The following DEDD2 variants were observed in gnomAD, a reference collection of about 807,000 sequenced individuals.
DEDD2 encodes the protein DNA-binding death effector domain-containing protein 2.
A neutral mutation model predicts 28.9 loss-of-function variants in DEDD2; 18 were observed. That is an observed-to-expected ratio of 0.62 (90% CI 0.43 to 0.92). DEDD2 has a LOEUF of 0.92. Ranked by LOEUF, DEDD2 falls within the 40% of genes least tolerant of loss-of-function variation. DEDD2 has a pLI of 0.00. For missense variants in DEDD2, 411 were observed against 463.3 expected (o/e 0.89, Z 1.04); for synonymous variants, 211 against 206.1 (o/e 1.02, Z -0.20).
chr19:42,205,581 C>T (rs571718458), intron 4 of DEDD2, among the ~76,000 whole-genome samples: 1 of 151,862 alleles, frequency 6.6e-6, no homozygotes, highest in Non-Finnish European at 1.5e-5. Flanking sequence ...AGGCTGAGAT[C>T]ACGTCATTGC....
chr19:42,214,804 G>A (rs1008559245), intron 3 of DEDD2, among the ~76,000 whole-genome samples: 8 of 152,054 alleles, frequency 5.3e-5, no homozygotes, highest in Non-Finnish European at 8.8e-5. Context: ...GGGGTGGTGA[G>A]AATAAATAAG....
At chr19:42,204,961 G>C (rs2035473300) in intron 4 of DEDD2, among the ~76,000 whole-genome samples, 2 of 152,202 alleles carry the variant, frequency 1.3e-5, no homozygotes, top group Non-Finnish European at 2.9e-5. Flanking sequence ...CTCCAGAGAG[G>C]GATAAGCAGC....
At chr19:42,212,649 G>C (rs1023338419) in intron 3 of DEDD2, among the ~76,000 whole-genome samples, 1 of 151,994 alleles carries the variant, frequency 6.6e-6, no homozygotes, top group African/African-American at 2.4e-5. Context: ...ATTTTTTATA[G>C]AGACAGGGTT....
At chr19:42,206,746 T>C (rs994465160) in intron 4 of DEDD2, among the ~76,000 whole-genome samples, 1 of 152,138 alleles carries the variant, frequency 6.6e-6, no homozygotes, top group Non-Finnish European at 1.5e-5. Flanking sequence ...TATCCCTCAA[T>C]GGAGGGCAGC....
At chr19:42,206,056 C>G (rs2035520379) in intron 4 of DEDD2, among the ~76,000 whole-genome samples, 1 of 150,754 alleles carries the variant, frequency 6.6e-6, no homozygotes, top group Non-Finnish European at 1.5e-5. Context: ...TGTGCTCCAG[C>G]CTGGGCGACG....
At chr19:42,211,948 A>C (rs1273741782) in intron 3 of DEDD2, 1 of 150,678 alleles carries the variant, frequency 6.6e-6, no homozygotes, top group Admixed American at 6.6e-5. Flanking sequence ...GAGGCAGGAG[A>C]ATCGCTTGAA....
chr19:42,204,816 C>G (rs946307757), intron 4 of DEDD2, among the ~76,000 whole-genome samples: 1 of 151,284 alleles, frequency 6.6e-6, no homozygotes, highest in Non-Finnish European at 1.5e-5. Context: ...TGGGAACCCT[C>G]CCAGCATCTT....
chr19:42,209,652 C>T (rs2035670480), intron 4 of DEDD2, 48 bp downstream of exon 4: 6 of 1,553,886 alleles, frequency 3.9e-6, no homozygotes, highest in Non-Finnish European at 5.2e-6. Flanking sequence ...ACCCTCTGAA[C>T]CCACCCGGGG....
chr19:42,206,468 T>C (rs2035539062), intron 4 of DEDD2, among the ~76,000 whole-genome samples: 1 of 152,144 alleles, frequency 6.6e-6, no homozygotes, highest in Non-Finnish European at 1.5e-5. Context: ...ACCCTATAAA[T>C]ACATATGGAA....
chr19:42,201,468 CCT>C (rs946792285), intron 4 of DEDD2, among the ~76,000 whole-genome samples: 1 of 152,232 alleles, frequency 6.6e-6, no homozygotes, highest in African/African-American at 2.4e-5. Context: ...GCCACCAACC[CCT>C]CTGATAGGCC....
At chr19:42,201,808 C>T (rs2035341187) in intron 4 of DEDD2, 1 of 391,824 alleles carries the variant, frequency 2.6e-6, no homozygotes, top group African/African-American at 2.1e-5. Context: ...GCATTCAGAC[C>T]CAGCTGTCTC....
At chr19:42,217,307 G>A (rs1173693904) in intron 1 of DEDD2, among the ~76,000 whole-genome samples, 1 of 152,090 alleles carries the variant, frequency 6.6e-6, no homozygotes, top group Non-Finnish European at 1.5e-5. Flanking sequence ...ACCAAACGAT[G>A]CGGCCCAAAC....
At chr19:42,205,406 G>A (rs1203104096) in intron 4 of DEDD2, among the ~76,000 whole-genome samples, 3 of 151,650 alleles carry the variant, frequency 2.0e-5, no homozygotes, top group African/African-American at 7.3e-5. Context: ...CAGGCGGGTG[G>A]ATCACCTGAG....
In DEDD2 at chr19:42,209,736, G is replaced by A; in HGVS notation, c.553C>T (p.Pro185Ser). 2 of 1,607,260 alleles carry A rather than the reference G, an allele frequency of 1.2e-6. No individual in the cohort carries two copies. Among genetic ancestry groups the A allele is most frequent in the African/African-American group, 1.3e-5 (1 of 74,390 alleles). The change falls in exon 4 of 5, where the codon CCC becomes TCC. Residue 185 changes from proline (P) to serine (S), a missense_variant. Physicochemically the swap from Pro to Ser is moderately conservative, Grantham distance 74. This residue lies in a region of DEDD2 where 282 missense variants were observed against 273.4 expected (regional missense o/e 1.03). Transcript: ENST00000596251. ...TTGCCTTCAGAGGAAGGTCTGGCGG[G>A]CTCTGACTGCTGCTGGGGTGCGGCT... ...APAAPQQQSE[P>S]ARPSSEGKVT...
chr19:42,207,957 G>A (rs979630955), intron 4 of DEDD2, among the ~76,000 whole-genome samples: 6 of 152,072 alleles, frequency 3.9e-5, no homozygotes, highest in Non-Finnish European at 8.8e-5. Context: ...GCTTCCTTGA[G>A]CTTGTTCTAG....
intron 3 of DEDD2, among the ~76,000 whole-genome samples, chr19:42,213,309 C>T (rs767523817): frequency 6.6e-6 from 1 of 152,168 alleles, no homozygotes; most frequent in Non-Finnish European, 1.5e-5. Flanking sequence ...CACCATTTTG[C>T]AAACACCAAT....
intron 4 of DEDD2, among the ~76,000 whole-genome samples, chr19:42,207,132 C>A (rs2035566301): frequency 6.6e-6 from 1 of 152,148 alleles, no homozygotes; most frequent in South Asian, 2.1e-4. Flanking sequence ...GGGGGAGTCA[C>A]CACCAGGCAA....
rs2035199318 is a variant in DEDD2 at position 42,198,638 on chromosome 19, A to G, written c.*800T>C. The G allele has an allele frequency of 6.6e-6, 1 of 152,282 alleles. No individual in the cohort carries two copies. The highest frequency in any genetic ancestry group is 2.4e-5 in the African/African-American group (1 of 41,470). 9.4% of individuals were successfully genotyped at this position (152,282 alleles called of 1,614,324 possible). On this transcript the variant is annotated 3_prime_UTR_variant, in exon 5 of 5. Transcript: ENST00000596251. ...TTTCCAGGGCAGTTTAATTGGTATC[A>G]TTTGTAAAAGGTCTTTTCCATCACC...
At chr19:42,215,707 G>A (rs2035939940) in intron 2 of DEDD2, among the ~76,000 whole-genome samples, 1 of 152,118 alleles carries the variant, frequency 6.6e-6, no homozygotes, top group Non-Finnish European at 1.5e-5. Flanking sequence ...CTCTGGGTCA[G>A]GGAAGGCCAT....
Sources: allele counts gnomAD v4.1 joint callset (sites outside exome capture counted in the v4.1 genomes callset), GRCh38; gene constraint gnomAD v4.1.1; regional missense constraint gnomAD v4.1.1; transcripts MANE v1.5; gene names NCBI Gene and HGNC (gene_info 2026-07-23, HGNC 2026-07-21).